Variants in LRP6 observed in about 807,000 individuals in gnomAD.
LRP6 encodes the protein low-density lipoprotein receptor-related protein 6.
In LRP6, 43 loss-of-function variants were observed where a neutral mutation model predicts 184.1. The observed-to-expected ratio is 0.23, with a 90% CI of 0.18 to 0.30. The LOEUF (loss-of-function observed/expected upper bound fraction) is 0.30, where lower values mean the gene tolerates loss of function less well. LRP6 is among the 10% of genes least tolerant of loss of function. LRP6 has a pLI of 1.00. For synonymous variants in LRP6, 719 were observed against 684.9 expected, an observed-to-expected ratio of 1.05 and a Z score of -0.78; for missense variants, 1,571 against 2,005.3, an observed-to-expected ratio of 0.78 and a Z score of 4.14.
At chr12:12,204,838 G>A (rs1202476023) in intron 2 of LRP6, among the ~76,000 whole-genome samples, 1 of 150,070 alleles carries the variant, frequency 6.7e-6, no homozygotes, top group African/African-American at 2.4e-5. Flanking sequence ...GTGGTGGTGG[G>A]TGCCTGTTAT....
At chr12:12,249,492 C>A (rs1433158651) in intron 1 of LRP6, 4 of 639,504 alleles carry the variant, frequency 6.3e-6, no homozygotes, top group South Asian at 3.9e-5. Context: ...ACCACAGGCC[C>A]TTCCTCTTCC....
intron 1 of LRP6, among the ~76,000 whole-genome samples, chr12:12,253,917 G>A (rs1341859689): frequency 3.3e-5 from 5 of 151,990 alleles, no homozygotes; most frequent in Non-Finnish European, 7.4e-5. Flanking sequence ...GCTGAGGTGG[G>A]CATATCACTG....
chr12:12,154,306 G>C (rs1480838660), intron 12 of LRP6, among the ~76,000 whole-genome samples: 2 of 152,032 alleles, frequency 1.3e-5, no homozygotes, highest in Non-Finnish European at 2.9e-5. Flanking sequence ...TTCAGTTCTT[G>C]ACATAAATGT....
chr12:12,246,557 C>T (rs1865189711), intron 1 of LRP6, among the ~76,000 whole-genome samples: 1 of 151,422 alleles, frequency 6.6e-6, no homozygotes, highest in African/African-American at 2.4e-5. Context: ...AGTAGCCAGG[C>T]ATAGTGGTGC....
chr12:12,179,643 A>G (rs1337313806), intron 7 of LRP6, among the ~76,000 whole-genome samples, 167 bp downstream of exon 7: 2 of 152,186 alleles, frequency 1.3e-5, no homozygotes, highest in Non-Finnish European at 2.9e-5. Context: ...GTGGAAGAGA[A>G]TATATTATCC....
intron 7 of LRP6, among the ~76,000 whole-genome samples, chr12:12,169,098 T>C (rs559410586): frequency 6.6e-6 from 1 of 152,040 alleles, no homozygotes; most frequent in South Asian, 2.1e-4. Flanking sequence ...GAGTGGTGGC[T>C]AACGCCTGTA....
chr12:12,206,064 G>C (rs1042859854), intron 2 of LRP6, among the ~76,000 whole-genome samples: 2 of 152,154 alleles, frequency 1.3e-5, no homozygotes, highest in African/African-American at 4.8e-5. Context: ...ATGCTGTACA[G>C]GTTCGTAGCC....
intron 15 of LRP6, among the ~76,000 whole-genome samples, chr12:12,142,960 C>G (rs1021448538): frequency 6.6e-6 from 1 of 151,846 alleles, no homozygotes; most frequent in South Asian, 2.1e-4. Context: ...CTGGGGGACC[C>G]CAGCCAGTAT....
intron 2 of LRP6, among the ~76,000 whole-genome samples, chr12:12,225,382 G>A (rs1864593647): frequency 6.6e-6 from 1 of 152,152 alleles, no homozygotes; most frequent in South Asian, 2.1e-4. Context: ...GACAGACAAG[G>A]TGATAACAAA....
At chr12:12,127,309 T>C (rs1488980755) in intron 19 of LRP6, among the ~76,000 whole-genome samples, 1 of 152,192 alleles carries the variant, frequency 6.6e-6, no homozygotes, top group Non-Finnish European at 1.5e-5. Context: ...TATTCCAAGA[T>C]TTCGGGAAAA....
intron 7 of LRP6, among the ~76,000 whole-genome samples, chr12:12,173,629 T>C (rs1203760781): frequency 2.6e-5 from 4 of 152,054 alleles, no homozygotes; most frequent in African/African-American, 9.7e-5. Context: ...AGGAGTGCAC[T>C]ACCACGCCCA....
At position 12,159,021 on chromosome 12, in the gene LRP6, T is replaced by C. The variant is rs141458215; in HGVS notation, c.2599A>G (p.Thr867Ala). 1.4e-4 allele frequency: 226 copies of C among 1,614,084 alleles called. No individual in the cohort carries two copies. Among genetic ancestry groups the C allele is most frequent in the Non-Finnish European group, 1.8e-4 (213 of 1,180,048 alleles). ...TAATCCAAATGGCCCTGAATGATGGTGCGGTTTTGGCCACTGGTTTTGTTG... is the reference window on the plus strand; with the variant it reads ...TAATCCAAATGGCCCTGAATGATGGCGCGGTTTTGGCCACTGGTTTTGTTG... ...RANKTSGQNR[T>A]IIQGHLDYVM... is the part of the protein sequence containing the mutation. Residue 867 changes from threonine (T) to alanine (A), a missense_variant, in exon 12 of 23, where the codon ACC becomes GCC. Coordinates refer to ENST00000261349, the MANE Select transcript of LRP6 (RefSeq NM_002336.3).
chr12:12,155,877 T>C (rs371614288), intron 12 of LRP6: 2 of 597,590 alleles, frequency 3.3e-6, no homozygotes, highest in South Asian at 2.0e-5. Context: ...CGTATGTGTT[T>C]TTCCAAGCCT....
At chr12:12,204,988 G>C (rs1157562595) in intron 2 of LRP6, among the ~76,000 whole-genome samples, 2 of 151,356 alleles carry the variant, frequency 1.3e-5, no homozygotes, top group African/African-American at 4.9e-5. Flanking sequence ...AAAAAAAATA[G>C]AAAAACTCTT....
chr12:12,153,092 A>T (rs765771281), intron 12 of LRP6, among the ~76,000 whole-genome samples: 7 of 152,236 alleles, frequency 4.6e-5, no homozygotes, highest in Non-Finnish European at 1.0e-4. Context: ...GTAAAAACAC[A>T]TCACACAGAA....
chr12:12,191,844 G>T (rs1863625389), intron 3 of LRP6, among the ~76,000 whole-genome samples: 2 of 151,004 alleles, frequency 1.3e-5, no homozygotes, highest in African/African-American at 2.4e-5. Context: ...AAATGAAAAG[G>T]AAGAAATATT....
chr12:12,226,599 C>A (rs1253421122), intron 2 of LRP6: 1 of 151,948 alleles, frequency 6.6e-6, no homozygotes, highest in Admixed American at 6.6e-5. Flanking sequence ...GGGAATATGT[C>A]AATAGAAACT....
chr12:12,168,475 A>ACGTT (rs1862946791), intron 7 of LRP6, among the ~76,000 whole-genome samples: 1 of 152,240 alleles, frequency 6.6e-6, no homozygotes, highest in South Asian at 2.1e-4. Flanking sequence ...CTGAGATAGA[A>ACGTT]CGAACACATG....
intron 2 of LRP6, among the ~76,000 whole-genome samples, chr12:12,219,034 T>C (rs1002833024): frequency 6.6e-6 from 1 of 151,924 alleles, no homozygotes; most frequent in African/African-American, 2.4e-5. Flanking sequence ...GGTCAGGAGT[T>C]TGAGACCAGC....
Sources: allele counts gnomAD v4.1 joint callset (sites outside exome capture counted in the v4.1 genomes callset), GRCh38; gene constraint gnomAD v4.1.1; transcripts MANE v1.5; gene names NCBI Gene and HGNC (gene_info 2026-07-23, HGNC 2026-07-21).